EXPH5: variants seen among roughly 807,000 people sequenced by gnomAD.
EXPH5 encodes the protein exophilin 5.
In EXPH5, 42 loss-of-function variants were observed where a neutral mutation model predicts 41.1. The ratio of observed to expected loss-of-function variants is 1.02; its 90% confidence interval spans 0.80 to 1.32. The LOEUF (loss-of-function observed/expected upper bound fraction) is 1.32, where lower values mean the gene tolerates loss of function less well. Among genes scored for constraint, EXPH5 ranks in the 40% most tolerant of loss-of-function variants. The pLI is 0.00. For synonymous variants in EXPH5, 798 were observed against 833.5 expected (o/e 0.96, Z 0.73); for missense variants, 2,298 against 2,314.5 (o/e 0.99, Z 0.15).
chr11:108,587,529 C>T (rs1226093595), intron 1 of EXPH5, among the ~76,000 whole-genome samples: 1 of 152,168 alleles, frequency 6.6e-6, no homozygotes, highest in Non-Finnish European at 1.5e-5. Flanking sequence ...TGATGTACAA[C>T]TTACCATGTA....
Position 108,513,152 on chromosome 11 carries a change from G to A in EXPH5, c.2355C>T (p.His785=). 2 of 1,613,892 alleles carry A rather than the reference G, an allele frequency of 1.2e-6. No homozygotes were observed. Among genetic ancestry groups the A allele is most frequent in the Non-Finnish European group, 1.7e-6 (2 of 1,179,968 alleles). ...RKDTSKMYIP[H]TDKSNDIKQD... is the part of the protein sequence containing the mutation. The stretch of plus-strand genomic sequence containing the variant: ...GTTTAATGTCATTGGATTTATCTGT[G>A]TGCGGTATATACATTTTGGAGGTAT... Residue 785 remains histidine, a synonymous_variant, in exon 6 of 6, where the codon CAC becomes CAT. Transcript: ENST00000265843.
At chr11:108,545,580 G>A (rs2093934299) in intron 1 of EXPH5, among the ~76,000 whole-genome samples, 1 of 152,076 alleles carries the variant, frequency 6.6e-6, no homozygotes, top group Non-Finnish European at 1.5e-5. Context: ...TTCTGCTGGG[G>A]TGGGAGTGTG....
chr11:108,514,674 C>T lies in EXPH5; in HGVS notation c.833G>A (p.Gly278Glu), dbSNP rs867712942. 7 of 1,602,600 alleles carry T rather than the reference C, an allele frequency of 4.4e-6. No homozygotes were observed. The African/African-American group carries it at 8.1e-5, about 18-fold the overall frequency. ...GGTTTTAAAACCTTCCCTAGGAGTT[C>T]CTGGTCTTAGGATGTCATAGATAGA... Reference protein sequence around the residue: ...NMSIYDILRPGTPREGFKTFS... With the variant: ...NMSIYDILRPETPREGFKTFS... Residue 278 changes from glycine (G) to glutamate (E), a missense_variant, in exon 6 of 6, where the codon GGA becomes GAA. Transcript: ENST00000265843.
rs968535544 is a variant in EXPH5, at chr11:108,518,133, G to C, written c.631+102C>G. ...TAAACATGAGGATGTAAAAAATAAA[G>C]TACAGTGTTTCATATGTTTTGAGTA... On this transcript the variant is annotated intron_variant, in intron 5 of 5. Coordinates refer to ENST00000265843, the MANE Select transcript of EXPH5 (RefSeq NM_015065.3). 6 of 1,047,984 alleles carry C rather than the reference G, an allele frequency of 5.7e-6. No individual in the cohort carries two copies. In the African/African-American group the frequency reaches 6.4e-5, roughly 11 times the overall value. 64.9% of individuals were successfully genotyped at this position (1,047,984 alleles called of 1,614,324 possible). A position where few individuals can be genotyped will look rare whatever the true frequency, so the allele number is the denominator to read the frequency against.
chr11:108,535,254 C>T (rs1051385783), intron 3 of EXPH5, among the ~76,000 whole-genome samples: 2 of 152,292 alleles, frequency 1.3e-5, no homozygotes, highest in East Asian at 1.9e-4. Flanking sequence ...TATGTGTCTT[C>T]ATTTAACAAT....
At chr11:108,596,707 G>A (rs1310204501), upstream of EXPH5, among the ~76,000 whole-genome samples, 1 of 152,164 alleles carries the variant, frequency 6.6e-6, no homozygotes, top group Non-Finnish European at 1.5e-5. Context: ...TGAGAACTTT[G>A]AGTGTCCAAC....
intron 1 of EXPH5, among the ~76,000 whole-genome samples, chr11:108,592,889 C>T (rs2094130863): frequency 1.3e-5 from 2 of 152,336 alleles, no homozygotes; most frequent in South Asian, 4.1e-4. Flanking sequence ...CGTGAGGTGC[C>T]GGCTCTCCCG....
chr11:108,555,462 C>CAA lies in EXPH5; in HGVS notation c.120-13652_120-13651dup, dbSNP rs2093985605. 3.3e-5 allele frequency among the ~76,000 whole-genome samples: 5 copies of CAA among 152,274 alleles called. No individual in the cohort carries two copies. In the South Asian group the frequency reaches 1.0e-3, roughly 32 times the overall value. ...GGAATACATTAGTGTACAAAAGAGA[C>CAA]AAAGATTCTCACCTTTCTGGAGCTT... On this transcript the variant is annotated intron_variant, in intron 1 of 5. Transcript: ENST00000265843.
At chr11:108,604,120 G>A in the EXPH5 span, among the ~76,000 whole-genome samples, 35,577 of 151,628 alleles carry the variant, frequency 0.23, 4,946 homozygotes, top group South Asian at 0.37. Context: ...TGAATAGGCC[G>A]GGTGCAGAGG....
At chr11:108,587,903 C>G (rs1347697266) in intron 1 of EXPH5, among the ~76,000 whole-genome samples, 15 of 152,108 alleles carry the variant, frequency 9.9e-5, no homozygotes. Flanking sequence ...TAGGTGCCAG[C>G]CACCAAGCCT....
Position 108,509,847 on chromosome 11 carries a change from C to T in EXPH5, c.5660G>A (p.Gly1887Glu). ...TAACTGTTGTTCTTTCCCAAAGATCCCATAGTCGATAGGTCTGTATATAGA... is the reference window on the plus strand; with the variant it reads ...TAACTGTTGTTCTTTCCCAAAGATCTCATAGTCGATAGGTCTGTATATAGA... ...AISIYRPIDY[G>E]IFGKEQQLAF... The change falls in exon 6 of 6, where the codon GGG becomes GAG. Residue 1887 changes from glycine to glutamate, a missense_variant. Transcript: ENST00000265843. 1.2e-6 allele frequency: 2 copies of T among 1,613,564 alleles called. No homozygotes were observed. Among genetic ancestry groups the T allele is most frequent in the South Asian group, 1.1e-5 (1 of 90,900 alleles).
Position 108,514,336 on chromosome 11 carries a change from C to G in EXPH5, c.1171G>C (p.Ala391Pro). ...GGATCAATTTCCATTGGTGATGGTG[C>G]CCTCAGGAACTCTTCCTGGTTCTCC... ...DRENQEEFLRAPSPMEIDPAD... is the reference protein window; with the variant it reads ...DRENQEEFLRPPSPMEIDPAD... Residue 391 changes from alanine (A) to proline (P), a missense_variant, in exon 6 of 6, where the codon GCA (alanine) becomes CCA (proline). Ala to Pro is a conservative substitution (Grantham distance 27). Transcript: ENST00000265843. 6.2e-7 allele frequency: 1 copy of G among 1,612,972 alleles called. No homozygotes were observed. Among genetic ancestry groups the G allele is most frequent in the Non-Finnish European group, 8.5e-7 (1 of 1,179,492 alleles).
chr11:108,605,994 C>G, the EXPH5 span, among the ~76,000 whole-genome samples: 1 of 152,192 alleles, frequency 6.6e-6, no homozygotes, highest in Non-Finnish European at 1.5e-5. Context: ...TATGACTTCC[C>G]TAATCAGGAA....
At chr11:108,593,103 G>C (rs567337521) in intron 1 of EXPH5, among the ~76,000 whole-genome samples, 1 of 152,218 alleles carries the variant, frequency 6.6e-6, no homozygotes, top group Non-Finnish European at 1.5e-5. Context: ...CCCCGCGATG[G>C]CCCAGCAGAC....
At chr11:108,600,694 T>C in the EXPH5 span, among the ~76,000 whole-genome samples, 2 of 152,228 alleles carry the variant, frequency 1.3e-5, no homozygotes, top group East Asian at 1.9e-4. Context: ...TTAAGTACTT[T>C]TTGGTTCTTC....
chr11:108,565,397 C>G (rs961156898), intron 1 of EXPH5, among the ~76,000 whole-genome samples: 57 of 152,290 alleles, frequency 3.7e-4, no homozygotes, highest in African/African-American at 1.4e-3. Flanking sequence ...CTCAGATTGG[C>G]CACTACAGCA....
chr11:108,551,000 C>T (rs1481746235), intron 1 of EXPH5, among the ~76,000 whole-genome samples: 1 of 152,072 alleles, frequency 6.6e-6, no homozygotes, highest in African/African-American at 2.4e-5. Context: ...GGCCAAACAC[C>T]CTGTCTTCGG....
chr11:108,607,195 C>T, the EXPH5 span, among the ~76,000 whole-genome samples: 1 of 152,108 alleles, frequency 6.6e-6, no homozygotes, highest in African/African-American at 2.4e-5. Context: ...ACTCACATGC[C>T]TTGAAAAGCT....
At chr11:108,519,309 G>T (rs1333345270) in intron 4 of EXPH5, among the ~76,000 whole-genome samples, 1 of 152,170 alleles carries the variant, frequency 6.6e-6, no homozygotes, top group Non-Finnish European at 1.5e-5. Context: ...CTTAGTGGGG[G>T]TTCCTTGCAG....
Sources: allele counts gnomAD v4.1 joint callset (sites outside exome capture counted in the v4.1 genomes callset), GRCh38; gene constraint gnomAD v4.1.1; transcripts MANE v1.5; gene names NCBI Gene and HGNC (gene_info 2026-07-23, HGNC 2026-07-21).